The following PRKDC variants were observed in gnomAD, a reference collection of about 807,000 sequenced individuals.
The protein encoded by PRKDC is protein kinase, DNA-activated, catalytic subunit.
PRKDC carries 82 observed loss-of-function variants against 486.9 expected under a neutral mutation model. The ratio of observed to expected loss-of-function variants is 0.17; its 90% CI spans 0.14 to 0.20. The LOEUF (loss-of-function observed/expected upper bound fraction) is 0.20, where lower values mean the gene tolerates loss of function less well. Ranked by LOEUF, PRKDC falls within the 10% of genes least tolerant of loss-of-function variation. The probability of loss-of-function intolerance (pLI) is 1.00; values close to 1 mark genes in which losing one functional copy is unlikely to be tolerated. For synonymous variants in PRKDC, 1,895 were observed against 1,837.0 expected, an observed-to-expected ratio of 1.03 and a Z score of -0.81; for missense variants, 4,504 against 5,038.2, an observed-to-expected ratio of 0.89 and a Z score of 3.21.
In PRKDC at chr8:47,834,401, G is replaced by T; in HGVS notation, c.7952-5C>A. 6.2e-7 allele frequency: 1 copy of T among 1,612,696 alleles called. No homozygotes were observed. Among genetic ancestry groups the T allele is most frequent in the South Asian group, 1.1e-5 (1 of 91,018 alleles). ...AATCAAATGAGCTTCTTCCATCTGTGACATGCAATCAGAGAGGTCAGGCAC... is the reference window on the plus strand; with the variant it reads ...AATCAAATGAGCTTCTTCCATCTGTTACATGCAATCAGAGAGGTCAGGCAC... On this transcript the variant is annotated splice_region_variant and splice_polypyrimidine_tract_variant and intron_variant, in intron 58 of 85. Transcript: ENST00000314191.
intron 28 of PRKDC, among the ~76,000 whole-genome samples, chr8:47,899,922 G>C (rs2089649401): frequency 6.6e-6 from 1 of 152,138 alleles, no homozygotes; most frequent in African/African-American, 2.4e-5. Flanking sequence ...CCTTCATCAT[G>C]GATGAAACAA....
chr8:47,912,063 G>A (rs905189629), intron 25 of PRKDC, among the ~76,000 whole-genome samples: 3 of 152,198 alleles, frequency 2.0e-5, no homozygotes, highest in South Asian at 2.1e-4. Context: ...GAGCCACCGC[G>A]CGCGGCCCAT....
Position 47,800,827 on chromosome 8 carries a change from T to G in PRKDC, c.10082A>C (p.Glu3361Ala). ...ATCCTCTGAACTGGATCCAGAAAGC[T>G]CTAAGATTCTTCTAGCCTTGTCCTC... ...IEEDKARRILELSGSSSEDSE... is the reference protein window; with the variant it reads ...IEEDKARRILALSGSSSEDSE... Residue 3361 changes from glutamate (E) to alanine (A), a missense_variant, in exon 71 of 86, where the codon GAG becomes GCG. By Grantham distance (107) the Glu-to-Ala change is moderately radical. Around this residue, in one of 6 missense-constraint regions of PRKDC, gnomAD observed 1,592 missense variants for 1,724.6 expected, o/e 0.92. Transcript: ENST00000314191. 6.2e-7 allele frequency: 1 copy of G among 1,612,450 alleles called. No homozygotes were observed. The highest frequency in any genetic ancestry group is 8.5e-7 in the Non-Finnish European group (1 of 1,179,258).
At chr8:47,850,567 A>T (rs1347789209) in intron 52 of PRKDC, among the ~76,000 whole-genome samples, 1 of 152,224 alleles carries the variant, frequency 6.6e-6, no homozygotes, top group African/African-American at 2.4e-5. Flanking sequence ...CCCTTAACAC[A>T]AAACCACAAA....
chr8:47,808,292 C>T (rs1290677686), intron 68 of PRKDC, among the ~76,000 whole-genome samples: 2 of 152,138 alleles, frequency 1.3e-5, no homozygotes, highest in Non-Finnish European at 1.5e-5. Context: ...GTTACAGGTG[C>T]GTGCTACCGC....
At chr8:47,937,530 C>A (rs1463528975) in intron 11 of PRKDC, among the ~76,000 whole-genome samples, 1 of 152,178 alleles carries the variant, frequency 6.6e-6, no homozygotes, top group African/African-American at 2.4e-5. Flanking sequence ...TTTTCAGACT[C>A]ACAAATGCGC....
chr8:47,913,775 C>G lies in PRKDC; in HGVS notation c.2781+126G>C. ...TAATAAGTAAGTAGTTTTCTAATTA[C>G]TATATTACAGAAAATACAAAATTAC... On this transcript the variant is annotated intron_variant, in intron 24 of 85. Coordinates refer to ENST00000314191, the MANE Select transcript of PRKDC (RefSeq NM_006904.7). 2.2e-6 allele frequency: 2 copies of G among 924,052 alleles called. 1 individual carries two copies. Among genetic ancestry groups the G allele is most frequent in the South Asian group, 6.2e-5 (2 of 32,012 alleles). 57.2% of individuals were successfully genotyped at this position (924,052 alleles called of 1,614,324 possible).
At chr8:47,889,389 G>A (rs2089408284) in intron 32 of PRKDC, among the ~76,000 whole-genome samples, 167 bp from the exon 33 acceptor site, 1 of 152,260 alleles carries the variant, frequency 6.6e-6, no homozygotes. Flanking sequence ...GGGCTAGACA[G>A]TCTCTGCTTC....
chr8:47,823,699 C>G (rs2087659631), intron 64 of PRKDC, among the ~76,000 whole-genome samples, 159 bp downstream of exon 64: 1 of 151,928 alleles, frequency 6.6e-6, no homozygotes, highest in Non-Finnish European at 1.5e-5. Flanking sequence ...CTTAAGTGAA[C>G]AACCTATAAG....
intron 7 of PRKDC, among the ~76,000 whole-genome samples, chr8:47,945,425 C>T (rs929566687): frequency 6.6e-6 from 1 of 152,216 alleles, no homozygotes; most frequent in African/African-American, 2.4e-5. Flanking sequence ...CCTCCCCCAG[C>T]CCCAGTAACC....
rs370371531 is a variant in PRKDC at position 47,902,794 on chromosome 8, T to A, written c.3044A>T (p.Asp1015Val). ...DTVALLEAIL[D>V]GIVDPVDSTL... The stretch of plus-strand genomic sequence containing the variant: ...ACTGTCAACAGGGTCCACAATTCCA[T>A]CCTGAAACAAAACAAAGAGACCTTG... The change falls in exon 27 of 86, where the codon GAT (aspartate) becomes GTT (valine). Residue 1015 changes from aspartate (D) to valine (V), a missense_variant and splice_region_variant. This residue lies in a region of PRKDC where 1,969 missense variants were observed against 2,068.9 expected (regional missense o/e 0.95). Transcript: ENST00000314191. The A allele has an allele frequency of 3.8e-6, 6 of 1,595,600 alleles. No homozygotes were observed. In the African/African-American group the frequency reaches 5.4e-5, roughly 14 times the overall value.
At chr8:47,936,274 T>C (rs957836766) in intron 12 of PRKDC, 79 bp downstream of exon 12, 2 of 1,444,492 alleles carry the variant, frequency 1.4e-6, no homozygotes, top group East Asian at 2.3e-5. Context: ...CTACACTAAA[T>C]GTATTGTATG....
chr8:47,949,033 G>C (rs934036257), intron 7 of PRKDC, among the ~76,000 whole-genome samples: 3 of 152,168 alleles, frequency 2.0e-5, no homozygotes, highest in African/African-American at 4.8e-5. Flanking sequence ...GCATCAGCAG[G>C]GCTGTGCTCC....
chr8:47,939,205 C>T (rs1390061382), intron 11 of PRKDC, among the ~76,000 whole-genome samples: 1 of 152,160 alleles, frequency 6.6e-6, no homozygotes, highest in Non-Finnish European at 1.5e-5. Flanking sequence ...TGTTAATAAA[C>T]AATACTAATA....
chr8:47,910,103 T>C (rs1457794178), intron 25 of PRKDC, among the ~76,000 whole-genome samples: 1 of 152,146 alleles, frequency 6.6e-6, no homozygotes, highest in Non-Finnish European at 1.5e-5. Flanking sequence ...AACATTTCTC[T>C]CTTTGTACTC....
chr8:47,798,841 G>A (rs1488737906), intron 72 of PRKDC, among the ~76,000 whole-genome samples: 5 of 151,096 alleles, frequency 3.3e-5, no homozygotes, highest in African/African-American at 4.9e-5. Context: ...ATGGAGTCTC[G>A]CTCTGTCACC....
Position 47,929,962 on chromosome 8 carries a change from G to A in PRKDC, c.1943C>T (p.Ser648Leu), listed in dbSNP as rs745697529. The part of the protein sequence containing the change: ...QAEFFEPWVY[S>L]FSYELILQST... ...TTGCAAAATTAATTCATATGAAAATGAGTACACCCATGGTTCAAAAAATTC... is the reference window on the plus strand; with the variant it reads ...TTGCAAAATTAATTCATATGAAAATAAGTACACCCATGGTTCAAAAAATTC... The change falls in exon 18 of 86, where the codon TCA becomes TTA. Residue 648 changes from serine (S) to leucine (L), a missense_variant. Ser to Leu is a moderately radical substitution (Grantham distance 145). Around this residue, in one of 6 missense-constraint regions of PRKDC, gnomAD observed 1,969 missense variants for 2,068.9 expected, o/e 0.95. Transcript: ENST00000314191. The A allele has an allele frequency of 6.2e-6, 10 of 1,610,728 alleles. No homozygotes were observed. Among genetic ancestry groups the A allele is most frequent in the South Asian group, 5.6e-5 (5 of 89,958 alleles).
intron 5 of PRKDC, 74 bp from the exon 6 acceptor site, chr8:47,953,993 A>G: frequency 1.3e-6 from 1 of 789,978 alleles, no homozygotes; most frequent in South Asian, 2.1e-5. Context: ...AAATGTATGA[A>G]GAAAATAAAA....
intron 56 of PRKDC, among the ~76,000 whole-genome samples, chr8:47,838,941 G>C (rs2088083723): frequency 6.6e-6 from 1 of 152,174 alleles, no homozygotes; most frequent in Admixed American, 6.5e-5. Context: ...TTTTTCAAGA[G>C]TGTTATTTTT....
Sources: gnomAD v4.1 joint callset for allele counts (sites outside exome capture counted in the v4.1 genomes callset) on GRCh38, gnomAD v4.1.1 for gene constraint, gnomAD v4.1.1 regional missense constraint, MANE v1.5 for transcripts, NCBI Gene and HGNC (gene_info 2026-07-23, HGNC 2026-07-21) for gene names.